IGF2R: variants seen among roughly 807,000 people sequenced by gnomAD.
IGF2R encodes cation-independent mannose-6-phosphate receptor.
IGF2R carries 91 observed loss-of-function variants against 270.6 expected under a neutral mutation model. The ratio of observed to expected loss-of-function variants is 0.34; its 90% CI spans 0.28 to 0.40. IGF2R has a LOEUF of 0.40. Ranked by LOEUF, IGF2R falls within the 10% of genes least tolerant of loss-of-function variation. The pLI is 1.00. For synonymous variants in IGF2R, 1,316 were observed against 1,258.9 expected (o/e 1.05, Z -0.96); for missense variants, 2,805 against 3,188.3 (o/e 0.88, Z 2.90).
intron 22 of IGF2R, among the ~76,000 whole-genome samples, chr6:160,059,881 G>A (rs1386756751): frequency 2.0e-5 from 3 of 152,248 alleles, no homozygotes; most frequent in African/African-American, 4.8e-5. Context: ...CATTCATTCC[G>A]ATACATGGTA....
At chr6:160,081,258 TA>T (rs1778975559) in intron 39 of IGF2R, among the ~76,000 whole-genome samples, 1 of 151,172 alleles carries the variant, frequency 6.6e-6, no homozygotes, top group African/African-American at 2.4e-5. Context: ...GGGGAAAGAG[TA>T]CAAAAGAGAG....
chr6:160,061,459 C>G (rs1373717048), intron 23 of IGF2R, 44 bp from the exon 24 acceptor site: 1 of 1,602,302 alleles, frequency 6.2e-7, no homozygotes, highest in Non-Finnish European at 8.5e-7. Flanking sequence ...TGAGTGCTCA[C>G]AAGGAGGCAG....
At chr6:160,100,814 A>G (rs1191965996) in intron 45 of IGF2R, among the ~76,000 whole-genome samples, 3 of 57,210 alleles carry the variant, frequency 5.2e-5, no homozygotes, top group African/African-American at 6.6e-5. Context: ...TTTTGGAGAC[A>G]GAGACTTGCT....
chr6:159,987,532 T>C (rs1382790153), intron 1 of IGF2R, among the ~76,000 whole-genome samples: 1 of 152,220 alleles, frequency 6.6e-6, no homozygotes, highest in South Asian at 2.1e-4. Flanking sequence ...GCTGGGACTA[T>C]AGGCGTGCAC....
In IGF2R at chr6:160,020,653, C is replaced by G. The variant is rs1777412017; in HGVS notation, c.514-3919C>G. On this transcript the variant is annotated intron_variant, in intron 4 of 47. Transcript: ENST00000356956. ...AGAGTCAAAGCTGCATACTTACAAC[C>G]AACTGATCTTTGACACAGTTGACAA... Among the ~76,000 whole-genome samples the G allele has an allele frequency of 2.6e-5, 4 of 152,184 alleles. No individual in the cohort carries two copies. The South Asian group carries it at 8.3e-4, about 32-fold the overall frequency.
chr6:159,972,086 G>A (rs1302035598), intron 1 of IGF2R, among the ~76,000 whole-genome samples: 3 of 152,172 alleles, frequency 2.0e-5, no homozygotes. Flanking sequence ...AATGTAGCAT[G>A]TAGTTGAGGA....
intron 37 of IGF2R, 120 bp from the exon 38 acceptor site, chr6:160,079,460 A>T (rs1778927590): frequency 1.6e-6 from 1 of 623,760 alleles, no homozygotes; most frequent in Admixed American, 4.3e-5. Flanking sequence ...ATGCACACAG[A>T]GGAGTCTTTG....
rs140672924 is a variant in IGF2R, at chr6:160,071,768, C to T, written c.4444-142C>T. The T allele has an allele frequency of 8.4e-4, 916 of 1,089,854 alleles. 11 individuals carry two copies. The African/African-American group carries it at 0.013, about 16-fold the overall frequency. 67.5% of individuals were successfully genotyped at this position (1,089,854 alleles called of 1,614,324 possible). A position where few individuals can be genotyped will look rare whatever the true frequency, so the allele number is the denominator to read the frequency against. ...CTGACCCTTTGCTTTTCCTAATCTG[C>T]GCCTCATCCCACAGGCACATGGAGA... is the stretch of plus-strand genomic sequence containing the variant. On this transcript the variant is annotated intron_variant, in intron 31 of 47. Transcript: ENST00000356956.
intron 19 of IGF2R, among the ~76,000 whole-genome samples, chr6:160,051,738 C>T (rs943797987): frequency 3.3e-5 from 5 of 152,128 alleles, no homozygotes; most frequent in African/African-American, 1.2e-4. Flanking sequence ...GAAGATCACT[C>T]ACTTGAGGAC....
At chr6:159,987,691 T>G (rs1783909373) in intron 1 of IGF2R, among the ~76,000 whole-genome samples, 1 of 152,096 alleles carries the variant, frequency 6.6e-6, no homozygotes, top group South Asian at 2.1e-4. Flanking sequence ...CGCCCTGCCA[T>G]TAGTTTGTTT....
At chr6:159,992,658 G>A (rs189044855) in intron 2 of IGF2R, among the ~76,000 whole-genome samples, 1 of 151,858 alleles carries the variant, frequency 6.6e-6, no homozygotes, top group Non-Finnish European at 1.5e-5. Flanking sequence ...TTGTTATCCA[G>A]TCATCCATTG....
chr6:160,103,648 C>T (rs1779543947), intron 46 of IGF2R, 98 bp from the exon 47 acceptor site: 1 of 795,230 alleles, frequency 1.3e-6, no homozygotes, highest in South Asian at 1.4e-5. Flanking sequence ...CACCACCAGC[C>T]CCCTGGTGGT....
rs553725468 is a variant in IGF2R at position 160,066,761 on chromosome 6, C to T, written c.4116-1488C>T. Reference sequence around the variant, plus strand: ...TCCTCACCTGTGCTGTTCTCCTCTCCTCTTTCCTCTGCCTTGGCTTTGTTA... The same window carrying T: ...TCCTCACCTGTGCTGTTCTCCTCTCTTCTTTCCTCTGCCTTGGCTTTGTTA... On this transcript the variant is annotated intron_variant, in intron 29 of 47. Coordinates refer to ENST00000356956, the MANE Select transcript of IGF2R (RefSeq NM_000876.4). Among the ~76,000 whole-genome samples, 9 of 152,198 alleles carry T rather than the reference C, an allele frequency of 5.9e-5. 1 individual carries two copies. The East Asian group carries it at 1.5e-3, about 26-fold the overall frequency.
chr6:160,104,554 A>T, intron 47 of IGF2R, 120 bp from the exon 48 acceptor site: 1 of 987,464 alleles, frequency 1.0e-6, no homozygotes, highest in Non-Finnish European at 1.5e-6. Context: ...GACTGTGAGG[A>T]CAGTGGGCCA....
At chr6:160,104,194 C>T (rs1188280467) in intron 47 of IGF2R, among the ~76,000 whole-genome samples, 1 of 152,066 alleles carries the variant, frequency 6.6e-6, no homozygotes, top group East Asian at 1.9e-4. Flanking sequence ...GATCAAAGGA[C>T]ATAATGTTTG....
In IGF2R at chr6:160,058,922, C is replaced by T; in HGVS notation, c.2915C>T (p.Thr972Ile). The T allele has an allele frequency of 6.2e-7, 1 of 1,614,146 alleles. No homozygotes were observed. Among genetic ancestry groups the T allele is most frequent in the Non-Finnish European group, 8.5e-7 (1 of 1,180,002 alleles). The change falls in exon 22 of 48, where the codon ACA becomes ATA. Residue 972 changes from threonine (T) to isoleucine (I), a missense_variant. This residue lies in a region of IGF2R where 1,851 missense variants were observed against 2,207.2 expected (regional missense o/e 0.84). Coordinates refer to ENST00000356956, the MANE Select transcript of IGF2R (RefSeq NM_000876.4). ...GKIFMFNVCG[T>I]MPVCGTILGK... is the part of the protein sequence containing the mutation. The stretch of plus-strand genomic sequence containing the variant: ...GACCTGCAGTTTAATGTCTGCGGCA[C>T]AATGCCTGTCTGTGGGACCATCCTG...
At chr6:160,067,000 A>T (rs1277863331) in intron 29 of IGF2R, among the ~76,000 whole-genome samples, 1 of 152,186 alleles carries the variant, frequency 6.6e-6, no homozygotes, top group African/African-American at 2.4e-5. Flanking sequence ...CCCACACAGT[A>T]ATTAGAATGA....
At chr6:159,973,086 C>A (rs919603857) in intron 1 of IGF2R, among the ~76,000 whole-genome samples, 1 of 151,982 alleles carries the variant, frequency 6.6e-6, no homozygotes, top group Non-Finnish European at 1.5e-5. Flanking sequence ...GTAGAAAAGA[C>A]CTGGGGCAGG....
At chr6:160,006,335 C>T (rs1181769895) in intron 2 of IGF2R, 2 of 153,444 alleles carry the variant, frequency 1.3e-5, no homozygotes, top group African/African-American at 4.8e-5. Flanking sequence ...TAGGCGGGTA[C>T]CTCAGCACCG....
Sources: gnomAD v4.1 joint callset for allele counts (sites outside exome capture counted in the v4.1 genomes callset) on GRCh38, gnomAD v4.1.1 for gene constraint, gnomAD v4.1.1 regional missense constraint, MANE v1.5 for transcripts, NCBI Gene and HGNC (gene_info 2026-07-23, HGNC 2026-07-21) for gene names.